Variants in UBAC2 observed in about 807,000 individuals in gnomAD.
The protein encoded by UBAC2 is UBA domain containing 2, also known as ubiquitin-associated domain-containing protein 2.
UBAC2 carries 26 observed loss-of-function variants against 44.0 expected under a neutral mutation model. The observed-to-expected ratio is 0.59, with a 90% CI of 0.43 to 0.82. UBAC2 has a LOEUF of 0.82. UBAC2 is among the 40% of genes least tolerant of loss of function. The probability of loss-of-function intolerance (pLI) is 0.00; values close to 1 mark genes in which losing one functional copy is unlikely to be tolerated. For synonymous variants in UBAC2, 155 were observed against 154.3 expected (o/e 1.00, Z -0.04); for missense variants, 329 against 419.4 (o/e 0.78, Z 1.88).
At chr13:99,221,374 C>G (rs2043050501) in intron 1 of UBAC2, among the ~76,000 whole-genome samples, 1 of 152,206 alleles carries the variant, frequency 6.6e-6, no homozygotes, top group Non-Finnish European at 1.5e-5. Context: ...TTGTGTATGT[C>G]TTTCACTTGA....
intron 2 of UBAC2, among the ~76,000 whole-genome samples, chr13:99,241,833 G>A (rs61016589): frequency 1.3e-5 from 2 of 148,340 alleles, no homozygotes; most frequent in Non-Finnish European, 3.0e-5. Context: ...AAGGTCAGCA[G>A]ATAAACAAGT....
chr13:99,203,240 T>A lies in UBAC2; in HGVS notation c.31+2301T>A, dbSNP rs761231164. ...TAGTAGAGACGGGGTTTTGCCATGT[T>A]GACCAGGCTGGTCTTGAGCTCCTGA... On this transcript the variant is annotated intron_variant, in intron 1 of 8. Transcript: ENST00000403766. Among the ~76,000 whole-genome samples the A allele has an allele frequency of 1.8e-3, 267 of 152,256 alleles. 1 individual carries two copies. Among genetic ancestry groups the A allele is most frequent in the Non-Finnish European group, 3.3e-3 (227 of 68,006 alleles).
At chr13:99,374,369 A>G (rs1163615322) in intron 8 of UBAC2, among the ~76,000 whole-genome samples, 1 of 152,182 alleles carries the variant, frequency 6.6e-6, no homozygotes, top group Non-Finnish European at 1.5e-5. Flanking sequence ...GGCATTTAGC[A>G]TGAGTGACTC....
chr13:99,209,044 C>G (rs1360425831), intron 1 of UBAC2, among the ~76,000 whole-genome samples: 1 of 152,232 alleles, frequency 6.6e-6, no homozygotes, highest in Admixed American at 6.5e-5. Context: ...TCTGCTGGCT[C>G]TCGCGCACAG....
At chr13:99,271,548 A>G (rs2043816326) in intron 4 of UBAC2, among the ~76,000 whole-genome samples, 1 of 152,172 alleles carries the variant, frequency 6.6e-6, no homozygotes, top group African/African-American at 2.4e-5. Flanking sequence ...GAGCCATTGC[A>G]TGATGCTTTG....
At chr13:99,373,771 A>C (rs539067193) in intron 8 of UBAC2, among the ~76,000 whole-genome samples, 121 of 152,294 alleles carry the variant, frequency 7.9e-4, no homozygotes, top group African/African-American at 2.8e-3. Context: ...GACAGAAAGG[A>C]GGCCAGACAG....
At chr13:99,282,095 C>T (rs931588534) in intron 4 of UBAC2, among the ~76,000 whole-genome samples, 1 of 152,154 alleles carries the variant, frequency 6.6e-6, no homozygotes, top group African/African-American at 2.4e-5. Flanking sequence ...GGGGCGGTCC[C>T]GTGCACTGCA....
intron 8 of UBAC2, among the ~76,000 whole-genome samples, chr13:99,374,608 T>C (rs2045455835): frequency 6.6e-6 from 1 of 152,244 alleles, no homozygotes; most frequent in South Asian, 2.1e-4. Flanking sequence ...GTCTCCTCTC[T>C]TCTCATCTCA....
chr13:99,273,294 A>G (rs969579272), intron 4 of UBAC2, among the ~76,000 whole-genome samples: 1 of 152,132 alleles, frequency 6.6e-6, no homozygotes. Flanking sequence ...GTTTCCCTGA[A>G]AGGTGTTAAA....
At chr13:99,338,109 G>A (rs535705224) in intron 6 of UBAC2, among the ~76,000 whole-genome samples, 138 of 127,350 alleles carry the variant, frequency 1.1e-3, no homozygotes, top group African/African-American at 4.1e-3. Context: ...CCAGGCTGGA[G>A]TGCAGCGGCA....
chr13:99,214,039 G>A (rs1245161189), intron 1 of UBAC2, among the ~76,000 whole-genome samples: 1 of 151,872 alleles, frequency 6.6e-6, no homozygotes, highest in African/African-American at 2.4e-5. Context: ...GGCTGGTCTC[G>A]AACTCCCAAC....
In UBAC2 at chr13:99,329,833, G is replaced by A. The variant is rs574749848; in HGVS notation, c.562-10487G>A. On this transcript the variant is annotated intron_variant, in intron 6 of 8. Coordinates refer to ENST00000403766, the MANE Select transcript of UBAC2 (RefSeq NM_001144072.2). ...AGAGACCTTGAGCCATAACCACTCA[G>A]CTAAGTTACTCCCACATTCCTGCCC... Among the ~76,000 whole-genome samples the A allele has an allele frequency of 1.5e-3, 229 of 152,310 alleles. 1 individual carries two copies. The highest frequency in any genetic ancestry group is 5.2e-3 in the African/African-American group (217 of 41,560).
intron 1 of UBAC2, among the ~76,000 whole-genome samples, chr13:99,228,651 A>G (rs544144345): frequency 1.1e-4 from 16 of 152,244 alleles, no homozygotes; most frequent in Non-Finnish European, 1.0e-4. Context: ...GTAGGTTCTC[A>G]TCTCCATTTT....
At chr13:99,239,021 G>C (rs2043271028) in intron 2 of UBAC2, among the ~76,000 whole-genome samples, 1 of 152,206 alleles carries the variant, frequency 6.6e-6, no homozygotes, top group Non-Finnish European at 1.5e-5. Flanking sequence ...GTGGGAAAGA[G>C]CAGAAGTGCT....
chr13:99,365,526 A>G (rs2045318855), intron 7 of UBAC2, among the ~76,000 whole-genome samples: 1 of 151,950 alleles, frequency 6.6e-6, no homozygotes, highest in South Asian at 2.1e-4. Context: ...TCTAATTTCC[A>G]TTATGAGGAT....
chr13:99,295,496 G>C lies in UBAC2; in HGVS notation c.390-18601G>C. 6.2e-7 allele frequency: 1 copy of C among 1,613,958 alleles called. No individual in the cohort carries two copies. The highest frequency in any genetic ancestry group is 1.1e-5 in the South Asian group (1 of 91,070). ...TCTGAAGAGTTTGCAGCAGATCTGA[G>C]AATAGCAGATGAGAATGATTATAAG... On this transcript the variant is annotated intron_variant, in intron 4 of 8. Transcript: ENST00000403766. This position sits in a 1 kb window ranked among gnomAD's most constrained non-coding sequence, Gnocchi z 4.1.
At chr13:99,208,771 C>G (rs1397814566) in intron 1 of UBAC2, among the ~76,000 whole-genome samples, 1 of 152,208 alleles carries the variant, frequency 6.6e-6, no homozygotes, top group East Asian at 1.9e-4. Context: ...TCAGATTGTT[C>G]TTCTGTGGCT....
rs1038317033 is a variant in UBAC2 at position 99,298,374 on chromosome 13, G to GA, written c.390-15717dup. On this transcript the variant is annotated intron_variant, in intron 4 of 8. Coordinates refer to ENST00000403766, the MANE Select transcript of UBAC2 (RefSeq NM_001144072.2). Reference sequence around the variant, plus strand: ...AAAGATAAAGGATAAGTTTGGAAATGAAAAAATACACTTCTAAGGAACTCA... The same window carrying GA: ...AAAGATAAAGGATAAGTTTGGAAATGAAAAAAATACACTTCTAAGGAACTCA... Among the ~76,000 whole-genome samples the GA allele has an allele frequency of 7.4e-4, 112 of 152,040 alleles. 1 individual carries two copies. Among genetic ancestry groups the GA allele is most frequent in the Non-Finnish European group, 2.2e-4 (15 of 67,952 alleles).
At chr13:99,237,261 T>TACACAC (rs1319391523) in intron 1 of UBAC2, among the ~76,000 whole-genome samples, 19 of 86,568 alleles carry the variant, frequency 2.2e-4, no homozygotes, top group Non-Finnish European at 4.2e-4. Flanking sequence ...TGCGTATATA[T>TACACAC]ATATATATAT....
Sources: gnomAD v4.1 joint callset for allele counts (sites outside exome capture counted in the v4.1 genomes callset) on GRCh38, gnomAD v4.1.1 for gene constraint, Gnocchi (gnomAD v3.1) non-coding constraint, MANE v1.5 for transcripts, NCBI Gene and HGNC (gene_info 2026-07-23, HGNC 2026-07-21) for gene names.